Variants in CDH10 observed in about 807,000 individuals in gnomAD.
The protein encoded by CDH10 is cadherin 10.
CDH10 carries 30 observed loss-of-function variants against 73.1 expected under a neutral mutation model. The observed-to-expected ratio is 0.41, with a 90% CI of 0.31 to 0.56. The LOEUF (loss-of-function observed/expected upper bound fraction) is 0.56, where lower values mean the gene tolerates loss of function less well. CDH10 is among the 20% of genes least tolerant of loss of function. The pLI is 0.27. For missense variants in CDH10, 815 were observed against 973.7 expected (o/e 0.84, Z 2.17); for synonymous variants, 345 against 348.2 (o/e 0.99, Z 0.10).
rs181693223 is a variant in CDH10 at position 24,570,804 on chromosome 5, C to T, written c.231+22456G>A. Among the ~76,000 whole-genome samples, 165 of 152,036 alleles carry T rather than the reference C, an allele frequency of 1.1e-3. 1 individual carries two copies. The highest frequency in any genetic ancestry group is 3.7e-3 in the African/African-American group (153 of 41,448). On this transcript the variant is annotated intron_variant, in intron 2 of 11. Transcript: ENST00000264463. ...TTTTTTATCTAATTTGCTTTGGAAG[C>T]TTTCAAATTTTACCTCATAGAAATA...
intron 2 of CDH10, among the ~76,000 whole-genome samples, chr5:24,552,520 C>T (rs7737431): frequency 0.66 from 100,202 of 151,706 alleles, 33,194 homozygotes; most frequent in East Asian, 0.77. Context: ...TATCCTATTG[C>T]TAATCTTCTT....
chr5:24,498,985 C>A (rs1268280487), intron 8 of CDH10, among the ~76,000 whole-genome samples: 6 of 151,940 alleles, frequency 3.9e-5, no homozygotes, highest in Non-Finnish European at 8.8e-5. Context: ...ACAAAGCTTC[C>A]ACAGCGTGGA....
chr5:24,586,790 T>C (rs551011807), intron 2 of CDH10, among the ~76,000 whole-genome samples: 13 of 150,770 alleles, frequency 8.6e-5, no homozygotes, highest in Non-Finnish European at 1.6e-4. Flanking sequence ...GGAACACAGT[T>C]CAGTGATTAA....
chr5:24,610,314 C>T (rs529667218), intron 1 of CDH10, among the ~76,000 whole-genome samples: 3 of 152,130 alleles, frequency 2.0e-5, no homozygotes, highest in South Asian at 4.1e-4. Flanking sequence ...TAGAAAAGAA[C>T]ATTAAATAGC....
chr5:24,579,356 T>C (rs1414930695), intron 2 of CDH10, among the ~76,000 whole-genome samples: 1 of 150,806 alleles, frequency 6.6e-6, no homozygotes, highest in Non-Finnish European at 1.5e-5. Context: ...TATATATATG[T>C]ATACATAAAT....
intron 2 of CDH10, among the ~76,000 whole-genome samples, chr5:24,575,706 G>T (rs1218755720): frequency 6.6e-6 from 1 of 151,986 alleles, no homozygotes; most frequent in Non-Finnish European, 1.5e-5. Context: ...TTTACTTTTT[G>T]TAACATTGTT....
At chr5:24,559,673 A>C (rs1301465455) in intron 2 of CDH10, among the ~76,000 whole-genome samples, 1 of 152,066 alleles carries the variant, frequency 6.6e-6, no homozygotes, top group Non-Finnish European at 1.5e-5. Context: ...ATAATGAAAC[A>C]GGTGACAACA....
At chr5:24,542,707 G>C (rs1234500257) in intron 2 of CDH10, among the ~76,000 whole-genome samples, 1 of 152,184 alleles carries the variant, frequency 6.6e-6, no homozygotes, top group East Asian at 1.9e-4. Context: ...TGGAGACTGG[G>C]AAGTCCAAGA....
At chr5:24,546,957 A>C (rs1408515645) in intron 2 of CDH10, among the ~76,000 whole-genome samples, 1 of 152,198 alleles carries the variant, frequency 6.6e-6, no homozygotes. Flanking sequence ...CCAGAAGTTC[A>C]TAATGAAACA....
chr5:24,637,123 A>C (rs1035441896), intron 1 of CDH10, among the ~76,000 whole-genome samples: 17 of 151,984 alleles, frequency 1.1e-4, no homozygotes, highest in Non-Finnish European at 2.5e-4. Flanking sequence ...CAAAGCTGGA[A>C]TATAACAAGT....
chr5:24,555,622 A>G (rs1224028473), intron 2 of CDH10, among the ~76,000 whole-genome samples: 1 of 152,142 alleles, frequency 6.6e-6, no homozygotes, highest in East Asian at 1.9e-4. Flanking sequence ...GAAACCGTCA[A>G]GAGAACCTGT....
intron 5 of CDH10, among the ~76,000 whole-genome samples, chr5:24,534,615 T>C (rs1022044277): frequency 1.1e-4 from 17 of 152,086 alleles, no homozygotes; most frequent in African/African-American, 4.1e-4. Context: ...ATAATAACAT[T>C]AAATGCAAGT....
chr5:24,511,545 C>CAGAGACAGAGAGAGAG (rs374439665), intron 5 of CDH10, 31 bp from the exon 6 acceptor site: 1 of 497,220 alleles, frequency 2.0e-6, no homozygotes, highest in African/African-American at 2.3e-5. Context: ...AAGAGAGAGA[C>CAGAGACAGAGAGAGAG]AGAGAGAGAG....
intron 1 of CDH10, among the ~76,000 whole-genome samples, chr5:24,598,921 G>T (rs1164201461): frequency 6.6e-6 from 1 of 152,022 alleles, no homozygotes; most frequent in East Asian, 1.9e-4. Flanking sequence ...TATAAATTTG[G>T]GGTCAGTGGG....
Position 24,492,907 on chromosome 5 carries a change from C to A in CDH10, c.1534G>T (p.Ala512Ser). ...CCTAAAGGGTCATCTTTGTCTACTG[C>A]ACTTATAGTCTGTATTAGCTGCAGA... ...RPGQLIQTIS[A>S]VDKDDPLGGQ... The change falls in exon 10 of 12, where the codon GCA becomes TCA. Residue 512 changes from alanine (A) to serine (S), a missense_variant. Physicochemically the swap from Ala to Ser is moderately conservative, Grantham distance 99. Transcript: ENST00000264463. 1 of 1,514,716 alleles carries A rather than the reference C, an allele frequency of 6.6e-7. No homozygotes were observed. Among genetic ancestry groups the A allele is most frequent in the South Asian group, 1.1e-5 (1 of 89,016 alleles). 93.8% of individuals were successfully genotyped at this position (1,514,716 alleles called of 1,614,324 possible). A position where few individuals can be genotyped will look rare whatever the true frequency, so the allele number is the denominator to read the frequency against.
At chr5:24,629,902 C>T (rs1467791961) in intron 1 of CDH10, among the ~76,000 whole-genome samples, 2 of 152,036 alleles carry the variant, frequency 1.3e-5, no homozygotes, top group Non-Finnish European at 2.9e-5. Context: ...GAATATTTTC[C>T]AGTGGAAAGA....
At chr5:24,499,931 T>A (rs1402526509) in intron 8 of CDH10, among the ~76,000 whole-genome samples, 1 of 152,166 alleles carries the variant, frequency 6.6e-6, no homozygotes, top group Non-Finnish European at 1.5e-5. Context: ...GTTAAACTTC[T>A]GTGTACATTT....
At chr5:24,611,172 C>T (rs577637462) in intron 1 of CDH10, among the ~76,000 whole-genome samples, 6 of 152,264 alleles carry the variant, frequency 3.9e-5, no homozygotes, top group East Asian at 3.9e-4. Context: ...TCTTCCCTCA[C>T]GGGGTGCCCA....
chr5:24,626,646 T>TC, intron 1 of CDH10, among the ~76,000 whole-genome samples: 1 of 151,840 alleles, frequency 6.6e-6, no homozygotes, highest in Non-Finnish European at 1.5e-5. Flanking sequence ...TGTACTGGCA[T>TC]ACACCTGTAA....
Sources: allele counts gnomAD v4.1 joint callset (sites outside exome capture counted in the v4.1 genomes callset), GRCh38; gene constraint gnomAD v4.1.1; transcripts MANE v1.5; gene names NCBI Gene and HGNC (gene_info 2026-07-23, HGNC 2026-07-21).